ARSG: variants seen among roughly 807,000 people sequenced by gnomAD.
ARSG encodes arylsulfatase G, also known as ASG.
Under a neutral mutation model 50.5 loss-of-function variants are expected in ARSG, and 37 were observed. The ratio of observed to expected loss-of-function variants is 0.73; its 90% CI spans 0.56 to 0.96. The LOEUF is 0.96. Among genes scored for constraint, ARSG ranks in the 50% least tolerant of loss-of-function variants. The pLI is 0.00. For synonymous variants in ARSG, 225 were observed against 254.6 expected (o/e 0.88, Z 1.11); for missense variants, 629 against 675.3 (o/e 0.93, Z 0.76).
chr17:68,301,603 C>G lies in ARSG; in HGVS notation c.-551-5340C>G, dbSNP rs1555761932. On this transcript the variant is annotated intron_variant, in intron 1 of 11. Transcript: ENST00000621439. ...TCAGCTGCTTCTTTCATCTGCTGCCCTGCGGGGCATTTGTGTATTCTCAAC... is the reference window on the plus strand; with the variant it reads ...TCAGCTGCTTCTTTCATCTGCTGCCGTGCGGGGCATTTGTGTATTCTCAAC... Among the ~76,000 whole-genome samples, 4 of 152,348 alleles carry G rather than the reference C, an allele frequency of 2.6e-5. No individual in the cohort carries two copies. In the South Asian group the frequency reaches 8.3e-4, roughly 32 times the overall value.
At chr17:68,283,344 C>T (rs899620640) in intron 1 of ARSG, among the ~76,000 whole-genome samples, 1 of 151,550 alleles carries the variant, frequency 6.6e-6, no homozygotes, top group Non-Finnish European at 1.5e-5. Flanking sequence ...CACGATGAAA[C>T]CCCGTCTCTA....
At chr17:68,323,889 A>G (rs536033290) in intron 2 of ARSG, among the ~76,000 whole-genome samples, 3 of 152,178 alleles carry the variant, frequency 2.0e-5, no homozygotes, top group African/African-American at 4.8e-5. Flanking sequence ...CCTGGCCAAC[A>G]TGGCGAAACC....
intron 2 of ARSG, among the ~76,000 whole-genome samples, chr17:68,316,334 A>G (rs191453051): frequency 8.9e-4 from 135 of 152,276 alleles, no homozygotes; most frequent in Non-Finnish European, 1.6e-3. Flanking sequence ...CATGACCTGT[A>G]TCACTGTTGA....
upstream of ARSG, chr17:68,291,230 G>C (rs1275868304): frequency 6.6e-6 from 1 of 151,450 alleles, no homozygotes; most frequent in African/African-American, 2.4e-5. Flanking sequence ...AGTTGGCTCG[G>C]GCTGGTGAGG....
intron 10 of ARSG, among the ~76,000 whole-genome samples, chr17:68,397,411 C>G (rs6501428): frequency 0.11 from 16,196 of 152,144 alleles, 2,167 homozygotes; most frequent in African/African-American, 0.31. Flanking sequence ...CACTCAGTCT[C>G]CCAGAGCATG....
rs751650999 is a variant in ARSG, at chr17:68,378,465, G to A, written c.983-6599G>A. On this transcript the variant is annotated intron_variant, in intron 8 of 11. Transcript: ENST00000621439. This position sits in a 1 kb window ranked among gnomAD's most constrained non-coding sequence, Gnocchi z 4.4. Reference sequence around the variant, plus strand: ...CTGGAGTCATCTTTTCACCCCGTGCGTGTGGACTGAGAATGCTCCACTTGG... The same window carrying A: ...CTGGAGTCATCTTTTCACCCCGTGCATGTGGACTGAGAATGCTCCACTTGG... Among the ~76,000 whole-genome samples, 32 of 152,188 alleles carry A rather than the reference G, an allele frequency of 2.1e-4. No individual in the cohort carries two copies. Among genetic ancestry groups the A allele is most frequent in the Non-Finnish European group, 4.4e-4 (30 of 68,040 alleles).
Position 68,368,685 on chromosome 17 carries a change from G to A in ARSG, c.842G>A (p.Gly281Asp), listed in dbSNP as rs1444576672. The A allele has an allele frequency of 5.6e-6, 9 of 1,613,944 alleles. No individual in the cohort carries two copies. In the South Asian group the frequency reaches 8.8e-5, roughly 16 times the overall value. Reference protein sequence around the residue: ...AGLWEMDSLVGQIKDKVDHTV... With the variant: ...AGLWEMDSLVDQIKDKVDHTV... The stretch of plus-strand genomic sequence containing the variant: ...CTCTGGGAGATGGACAGTCTGGTGG[G>A]CCAGATCAAGGACAAAGTTGACCAC... Residue 281 changes from glycine (G) to aspartate (D), a missense_variant, in exon 7 of 12, where the codon GGC becomes GAC. Physicochemically the swap from Gly to Asp is moderately conservative, Grantham distance 94 (BLOSUM62 -1). Coordinates refer to ENST00000621439, the MANE Select transcript of ARSG (RefSeq NM_001267727.2).
chr17:68,297,353 A>G (rs1000498678), intron 1 of ARSG, among the ~76,000 whole-genome samples: 2 of 152,264 alleles, frequency 1.3e-5, no homozygotes, highest in Admixed American at 6.5e-5. Context: ...GACCTGGCTC[A>G]GGTTTAGCCA....
intron 11 of ARSG, among the ~76,000 whole-genome samples, chr17:68,413,209 G>A (rs2082121073): frequency 6.6e-6 from 1 of 152,140 alleles, no homozygotes. Flanking sequence ...GCTTTTTAGA[G>A]TTTCCAGTTT....
chr17:68,430,984 G>A, the ARSG span, among the ~76,000 whole-genome samples: 1 of 152,084 alleles, frequency 6.6e-6, no homozygotes, highest in Non-Finnish European at 1.5e-5. Context: ...AAACCTCTCT[G>A]GGCCTTCATG....
At chr17:68,320,335 G>T (rs1228110228) in intron 2 of ARSG, among the ~76,000 whole-genome samples, 2 of 151,858 alleles carry the variant, frequency 1.3e-5, no homozygotes, top group Non-Finnish European at 2.9e-5. Context: ...GAAGAGAAAA[G>T]TCATTTCTCT....
chr17:68,272,717 A>G (rs782348011), intron 1 of ARSG: 1 of 1,614,218 alleles, frequency 6.2e-7, no homozygotes, highest in Non-Finnish European at 8.5e-7. Flanking sequence ...TTGCCAAAAT[A>G]TTGTGATAGG....
At chr17:68,284,878 A>T (rs1256224720) in intron 1 of ARSG, among the ~76,000 whole-genome samples, 1 of 152,204 alleles carries the variant, frequency 6.6e-6, no homozygotes, top group South Asian at 2.1e-4. Flanking sequence ...GATATGTCAT[A>T]AATTATATGC....
intron 11 of ARSG, among the ~76,000 whole-genome samples, chr17:68,402,938 T>G (rs2081542747): frequency 6.6e-6 from 1 of 152,058 alleles, no homozygotes; most frequent in African/African-American, 2.4e-5. Context: ...TTTAAGTAAA[T>G]GAAAAACAAA....
chr17:68,413,985 C>T lies in ARSG; in HGVS notation c.1304-6204C>T, dbSNP rs907985068. On this transcript the variant is annotated intron_variant, in intron 11 of 11. Transcript: ENST00000621439. ...GTCCTGCTTCGGCTCGCGCACGGTG[C>T]GCGCACCCACTGACCTGCGCCCACT... 2.3e-4 allele frequency: 36 copies of T among 155,090 alleles called. 1 individual carries two copies. Among genetic ancestry groups the T allele is most frequent in the Non-Finnish European group, 4.7e-4 (33 of 70,484 alleles). 9.6% of individuals were successfully genotyped at this position (155,090 alleles called of 1,614,324 possible).
chr17:68,421,402 T>C (rs1054030045), downstream of ARSG: 1 of 228,524 alleles, frequency 4.4e-6, no homozygotes, highest in African/African-American at 2.2e-5. Flanking sequence ...AAGTATGTAA[T>C]ATACAAGAAA....
intron 2 of ARSG, among the ~76,000 whole-genome samples, chr17:68,334,869 T>C (rs1434124821): frequency 6.6e-6 from 1 of 152,172 alleles, no homozygotes; most frequent in Non-Finnish European, 1.5e-5. Context: ...AACTGGCATG[T>C]AGGGTCACTC....
At chr17:68,396,002 GTT>G (rs757607546) in intron 10 of ARSG, among the ~76,000 whole-genome samples, 1 of 104,396 alleles carries the variant, frequency 9.6e-6, no homozygotes, top group African/African-American at 3.6e-5. Context: ...TTGGCAGCCT[GTT>G]TTTTTTTTTT....
intron 11 of ARSG, among the ~76,000 whole-genome samples, chr17:68,419,261 C>T (rs1028431594): frequency 2.0e-5 from 3 of 152,126 alleles, no homozygotes; most frequent in Admixed American, 6.5e-5. Context: ...GTTAAAGATA[C>T]TTTAAAAAAT....
Sources: gnomAD v4.1 joint callset for allele counts (sites outside exome capture counted in the v4.1 genomes callset) on GRCh38, gnomAD v4.1.1 for gene constraint, Gnocchi (gnomAD v3.1) non-coding constraint, MANE v1.5 for transcripts, NCBI Gene and HGNC (gene_info 2026-07-23, HGNC 2026-07-21) for gene names.